Variants in SUPT3H observed in about 807,000 individuals in gnomAD.
The protein encoded by SUPT3H is SPT3 homolog, SAGA and STAGA complex component, also known as transcription initiation protein SPT3 homolog.
SUPT3H carries 44 observed loss-of-function variants against 44.3 expected under a neutral mutation model. The ratio of observed to expected loss-of-function variants is 0.99; its 90% confidence interval spans 0.78 to 1.28. SUPT3H has a LOEUF of 1.28. SUPT3H is among the 50% of genes most tolerant of loss of function. SUPT3H has a pLI of 0.00. For missense variants in SUPT3H, 380 were observed against 387.1 expected, an observed-to-expected ratio of 0.98 and a Z score of 0.15; for synonymous variants, 124 against 125.6, an observed-to-expected ratio of 0.99 and a Z score of 0.09.
intron 2 of SUPT3H, among the ~76,000 whole-genome samples, chr6:45,330,638 C>G (rs1265756539): frequency 1.3e-5 from 2 of 151,948 alleles, no homozygotes; most frequent in African/African-American, 4.8e-5. Context: ...TAACAGGGAT[C>G]TTATACTTCT....
At chr6:44,995,343 C>A (rs905724604) in intron 6 of SUPT3H, among the ~76,000 whole-genome samples, 2 of 151,954 alleles carry the variant, frequency 1.3e-5, no homozygotes, top group Non-Finnish European at 2.9e-5. Flanking sequence ...AATTCACAGA[C>A]AACTTTTTCT....
intron 10 of SUPT3H, among the ~76,000 whole-genome samples, chr6:44,861,137 G>A (rs144498855): frequency 6.6e-6 from 1 of 152,114 alleles, no homozygotes; most frequent in East Asian, 1.9e-4. Context: ...AGGCTGGAGT[G>A]TAGTAGCACG....
At chr6:45,232,091 G>A (rs1347654237) in intron 2 of SUPT3H, among the ~76,000 whole-genome samples, 1 of 151,936 alleles carries the variant, frequency 6.6e-6, no homozygotes, top group Non-Finnish European at 1.5e-5. Context: ...TTTTGATTGG[G>A]ATCTATTGCT....
intron 2 of SUPT3H, among the ~76,000 whole-genome samples, chr6:45,278,906 C>T (rs1333963114): frequency 6.6e-6 from 1 of 151,868 alleles, no homozygotes; most frequent in Admixed American, 6.6e-5. Flanking sequence ...TCAAGCAACA[C>T]AAAAATCATT....
At chr6:44,919,871 TTTTTC>T (rs1168117862) in intron 10 of SUPT3H, among the ~76,000 whole-genome samples, 2 of 152,066 alleles carry the variant, frequency 1.3e-5, no homozygotes, top group African/African-American at 2.4e-5. Flanking sequence ...CAATCACTTC[TTTTTC>T]TTTTTTCTTT....
At chr6:45,102,497 T>C (rs1798718299) in intron 3 of SUPT3H, among the ~76,000 whole-genome samples, 4 of 152,176 alleles carry the variant, frequency 2.6e-5, no homozygotes, top group South Asian at 2.1e-4. Context: ...TAATTTATTA[T>C]ATAAAATATC....
chr6:45,182,184 G>A lies in SUPT3H; in HGVS notation c.102-76178C>T, dbSNP rs370156905. ...AACGTTTAGTGTTGAGTATTCTGAA[G>A]AAGCCACAACTGCTGTTACTGTCCC... On this transcript the variant is annotated intron_variant, in intron 2 of 10. Transcript: ENST00000371459. Among the ~76,000 whole-genome samples, 10 of 152,310 alleles carry A rather than the reference G, an allele frequency of 6.6e-5. No homozygotes were observed. In the East Asian group the frequency reaches 1.7e-3, roughly 26 times the overall value.
At chr6:45,164,534 T>G (rs1305051629) in intron 2 of SUPT3H, among the ~76,000 whole-genome samples, 2 of 152,130 alleles carry the variant, frequency 1.3e-5, no homozygotes, top group Non-Finnish European at 2.9e-5. Flanking sequence ...GCTTCGTTAG[T>G]CAACCTACAA....
At chr6:44,841,448 G>C (rs1002578908) in intron 10 of SUPT3H, among the ~76,000 whole-genome samples, 2 of 152,116 alleles carry the variant, frequency 1.3e-5, no homozygotes, top group Non-Finnish European at 2.9e-5. Context: ...CCTCAATGTG[G>C]AAGTGTTGGG....
intron 3 of SUPT3H, among the ~76,000 whole-genome samples, chr6:45,086,462 C>T (rs1341107608): frequency 6.6e-6 from 1 of 151,950 alleles, no homozygotes; most frequent in Non-Finnish European, 1.5e-5. Context: ...TCCTGGTCAA[C>T]CAAGAATTTT....
chr6:45,323,250 A>C (rs1453916029), intron 2 of SUPT3H, among the ~76,000 whole-genome samples: 1 of 152,134 alleles, frequency 6.6e-6, no homozygotes, highest in Non-Finnish European at 1.5e-5. Context: ...CCTCCTTTAT[A>C]AACCTCAAAA....
At chr6:45,039,279 A>G (rs918252335) in intron 3 of SUPT3H, among the ~76,000 whole-genome samples, 2 of 152,218 alleles carry the variant, frequency 1.3e-5, no homozygotes, top group Admixed American at 6.5e-5. Context: ...CTTTGGGAAG[A>G]AAAGTGTTTT....
chr6:45,081,138 T>A (rs1454212517), intron 3 of SUPT3H, among the ~76,000 whole-genome samples: 3 of 151,890 alleles, frequency 2.0e-5, no homozygotes. Flanking sequence ...AAACAAAACC[T>A]TCTCTCCTGA....
intron 2 of SUPT3H, among the ~76,000 whole-genome samples, chr6:45,240,202 G>T (rs1322001990): frequency 1.3e-5 from 2 of 152,130 alleles, no homozygotes; most frequent in Non-Finnish European, 2.9e-5. Context: ...GGACCCCCCA[G>T]TTGCAGCCAT....
At chr6:45,272,374 GAGTA>G (rs556290247) in intron 2 of SUPT3H, among the ~76,000 whole-genome samples, 31 of 152,230 alleles carry the variant, frequency 2.0e-4, no homozygotes, top group South Asian at 1.5e-3. Flanking sequence ...TTGTGATAGT[GAGTA>G]AGTGTCACGA....
chr6:45,080,981 T>C (rs890007167), intron 3 of SUPT3H, among the ~76,000 whole-genome samples: 2 of 151,920 alleles, frequency 1.3e-5, no homozygotes, highest in Non-Finnish European at 2.9e-5. Context: ...TCATTTACCC[T>C]GATAAAATTA....
At chr6:44,909,265 T>A (rs991668397) in intron 10 of SUPT3H, among the ~76,000 whole-genome samples, 1 of 152,038 alleles carries the variant, frequency 6.6e-6, no homozygotes, top group African/African-American at 2.4e-5. Context: ...GCTGCTCAAT[T>A]TATCTATTTA....
rs527378899 is a variant in SUPT3H, at chr6:44,851,169, A to G, written c.913-21312T>C. On this transcript the variant is annotated intron_variant, in intron 10 of 10. Transcript: ENST00000371459. ...CCCTCCTCATAGGAATGGTTTCAATAAATTTGAATACCTTTCCATGGCCCT... is the reference window on the plus strand; with the variant it reads ...CCCTCCTCATAGGAATGGTTTCAATGAATTTGAATACCTTTCCATGGCCCT... 2.0e-5 allele frequency among the ~76,000 whole-genome samples: 3 copies of G among 152,354 alleles called. No homozygotes were observed. In the South Asian group the frequency reaches 6.2e-4, roughly 32 times the overall value.
At chr6:44,820,927 T>G (rs748838781) in intron 11 of SUPT3H, among the ~76,000 whole-genome samples, 4 of 152,146 alleles carry the variant, frequency 2.6e-5, no homozygotes, top group Middle Eastern at 3.2e-3. Context: ...CCTAGCTCAG[T>G]GCTGCCTTGA....
Sources: allele counts gnomAD v4.1 joint callset (sites outside exome capture counted in the v4.1 genomes callset), GRCh38; gene constraint gnomAD v4.1.1; transcripts MANE v1.5; gene names NCBI Gene and HGNC (gene_info 2026-07-23, HGNC 2026-07-21).